The following PRELID2 variants were observed in gnomAD, a reference collection of about 807,000 sequenced individuals.
The protein encoded by PRELID2 is PRELI domain containing 2.
Under a neutral mutation model 28.4 loss-of-function variants are expected in PRELID2, and 25 were observed. The observed-to-expected ratio is 0.88, with a 90% CI of 0.64 to 1.23. The LOEUF is 1.23. Ranked by LOEUF, PRELID2 falls within the 50% of genes most tolerant of loss-of-function variation. The pLI is 0.00. For missense variants in PRELID2, 201 were observed against 214.4 expected (o/e 0.94, Z 0.39); for synonymous variants, 76 against 71.6 (o/e 1.06, Z -0.31).
At chr5:145,728,239 G>A (rs1479394549) in intron 1 of PRELID2, 1 of 220,788 alleles carries the variant, frequency 4.5e-6, no homozygotes, top group Admixed American at 5.3e-5. Context: ...TATATTGTTA[G>A]TCTTCATCTA....
intron 1 of PRELID2, among the ~76,000 whole-genome samples, chr5:145,726,325 G>A (rs867606879): frequency 3.5e-5 from 5 of 142,874 alleles, no homozygotes; most frequent in African/African-American, 1.5e-4. Flanking sequence ...GAGAGAAAGA[G>A]AGAAAGAGAA....
the PRELID2 span, among the ~76,000 whole-genome samples, chr5:145,396,045 A>T: frequency 6.6e-6 from 1 of 152,170 alleles, no homozygotes; most frequent in African/African-American, 2.4e-5. Flanking sequence ...AGCAGAAATG[A>T]TTCTGGAAAA....
intron 1 of PRELID2, among the ~76,000 whole-genome samples, chr5:145,646,130 C>A (rs544073520): frequency 6.6e-6 from 1 of 152,288 alleles, no homozygotes; most frequent in South Asian, 2.1e-4. Flanking sequence ...AGAGCATTTT[C>A]CAACTTGGTT....
chr5:145,347,432 C>T, the PRELID2 span, among the ~76,000 whole-genome samples: 140 of 152,188 alleles, frequency 9.2e-4, no homozygotes, highest in African/African-American at 3.2e-3. Flanking sequence ...CTTTTAGAGA[C>T]CATTCTTGAA....
rs562723774 is a variant in PRELID2, at chr5:145,713,369, T to C, written n.70+51562A>G. Among the ~76,000 whole-genome samples, 19 of 144,634 alleles carry C rather than the reference T, an allele frequency of 1.3e-4. No homozygotes were observed. The East Asian group carries it at 2.2e-3, about 16-fold the overall frequency. 94.9% of individuals were successfully genotyped at this position (144,634 alleles called of 152,430 possible). On this transcript the variant is annotated intron_variant and non_coding_transcript_variant, in intron 1 of 2. Coordinates refer to the PRELID2 transcript ENST00000510259. Reference sequence around the variant, plus strand: ...CTGACTTTATATATATATATATATATACTTTACATTATATATATATAATGA... The same window carrying C: ...CTGACTTTATATATATATATATATACACTTTACATTATATATATATAATGA...
intron 1 of PRELID2, among the ~76,000 whole-genome samples, chr5:145,829,577 G>A (rs1225589179): frequency 1.3e-5 from 2 of 152,168 alleles, no homozygotes; most frequent in Admixed American, 6.5e-5. Context: ...TCATTTTGCA[G>A]ATGAGGAAAT....
At chr5:145,239,504 G>A in the PRELID2 span, among the ~76,000 whole-genome samples, 414 of 152,104 alleles carry the variant, frequency 2.7e-3, 5 homozygotes, top group African/African-American at 9.5e-3. Context: ...TCTAATTACT[G>A]AGATTCCTCC....
intron 1 of PRELID2, among the ~76,000 whole-genome samples, chr5:145,724,999 T>C (rs1756105183): frequency 6.6e-6 from 1 of 151,798 alleles, no homozygotes; most frequent in African/African-American, 2.4e-5. Context: ...CACATCAGCC[T>C]CCCAACGTGC....
intron 1 of PRELID2, among the ~76,000 whole-genome samples, chr5:145,487,394 G>A (rs1209737379): frequency 6.6e-6 from 1 of 152,156 alleles, no homozygotes; most frequent in Non-Finnish European, 1.5e-5. Flanking sequence ...TCTGATCCCA[G>A]GGGCACTACT....
chr5:145,548,316 A>G (rs2126678645), intron 1 of PRELID2, among the ~76,000 whole-genome samples: 1 of 152,320 alleles, frequency 6.6e-6, no homozygotes, highest in South Asian at 2.1e-4. Flanking sequence ...ATTAGTAACT[A>G]AAGTCTAGAT....
intron 1 of PRELID2, among the ~76,000 whole-genome samples, chr5:145,507,302 G>A (rs1011384685): frequency 6.6e-6 from 1 of 152,140 alleles, no homozygotes; most frequent in Non-Finnish European, 1.5e-5. Context: ...AGTTCTAGCA[G>A]TGTATGACCT....
the PRELID2 span, among the ~76,000 whole-genome samples, chr5:145,392,866 C>T: frequency 6.6e-6 from 1 of 152,144 alleles, no homozygotes; most frequent in African/African-American, 2.4e-5. Flanking sequence ...CATTCTAATG[C>T]AGCCAATGGC....
At chr5:145,833,675 G>A (rs536713660) in intron 1 of PRELID2, among the ~76,000 whole-genome samples, 2 of 152,152 alleles carry the variant, frequency 1.3e-5, no homozygotes, top group South Asian at 4.1e-4. Flanking sequence ...ACTCCTCTGT[G>A]ACCAGGGCCA....
intron 1 of PRELID2, among the ~76,000 whole-genome samples, chr5:145,608,462 G>T (rs73311531): frequency 0.051 from 7,823 of 152,164 alleles, 647 homozygotes; most frequent in African/African-American, 0.17. Context: ...CTTAGCATTT[G>T]CTTGTCTGAA....
chr5:145,376,378 C>G, the PRELID2 span, among the ~76,000 whole-genome samples: 1 of 151,972 alleles, frequency 6.6e-6, no homozygotes, highest in Admixed American at 6.6e-5. Context: ...ATGTCTTTGC[C>G]AGGTTTTGAT....
At chr5:145,461,396 G>A in the PRELID2 span, among the ~76,000 whole-genome samples, 9 of 152,074 alleles carry the variant, frequency 5.9e-5, no homozygotes, top group African/African-American at 9.6e-5. Context: ...TCTGCCTCCC[G>A]GGTTCACGCC....
At chr5:145,336,743 G>A in the PRELID2 span, among the ~76,000 whole-genome samples, 6 of 151,904 alleles carry the variant, frequency 3.9e-5, no homozygotes, top group African/African-American at 1.2e-4. Context: ...CTGGATTAAG[G>A]AAATGTGGCA....
chr5:145,291,066 G>A, the PRELID2 span, among the ~76,000 whole-genome samples: 213 of 151,810 alleles, frequency 1.4e-3, no homozygotes, highest in African/African-American at 4.9e-3. Context: ...GGGGTCGGAC[G>A]CGGTGGCTCA....
intron 1 of PRELID2, among the ~76,000 whole-genome samples, chr5:145,709,898 C>T (rs769810879): frequency 4.6e-5 from 7 of 152,162 alleles, no homozygotes; most frequent in African/African-American, 2.4e-5. Context: ...TTCTGGAGGT[C>T]AATTCCAGTT....
Sources: gnomAD v4.1 joint callset for allele counts (sites outside exome capture counted in the v4.1 genomes callset) on GRCh38, gnomAD v4.1.1 for gene constraint, MANE v1.5 for transcripts, NCBI Gene and HGNC (gene_info 2026-07-23, HGNC 2026-07-21) for gene names.